CAMKMT: variants seen among roughly 807,000 people sequenced by gnomAD.
The protein encoded by CAMKMT is calmodulin-lysine N-methyltransferase, also known as CaM KMT.
Under a neutral mutation model 48.0 loss-of-function variants are expected in CAMKMT, and 53 were observed. That is an observed-to-expected ratio of 1.10 (90% CI 0.89 to 1.39). The LOEUF is 1.39. CAMKMT is among the 40% of genes most tolerant of loss of function. The pLI, the probability that CAMKMT is intolerant of heterozygous loss-of-function variation, is 0.00. For synonymous variants in CAMKMT, 165 were observed against 152.3 expected, an observed-to-expected ratio of 1.08 and a Z score of -0.61; for missense variants, 428 against 402.7, an observed-to-expected ratio of 1.06 and a Z score of -0.54.
chr2:44,530,853 C>G (rs906313303), intron 3 of CAMKMT, among the ~76,000 whole-genome samples: 1 of 151,580 alleles, frequency 6.6e-6, no homozygotes, highest in African/African-American at 2.4e-5. Context: ...ATTTATGAAC[C>G]TGTGAAAATT....
chr2:44,736,958 A>G (rs1250700690), intron 7 of CAMKMT, among the ~76,000 whole-genome samples: 2 of 152,244 alleles, frequency 1.3e-5, no homozygotes, highest in Admixed American at 6.5e-5. Flanking sequence ...CATCTCTGTC[A>G]GTTTTCGATT....
intron 3 of CAMKMT, among the ~76,000 whole-genome samples, chr2:44,473,466 A>G (rs1483364585): frequency 6.6e-6 from 1 of 152,228 alleles, no homozygotes; most frequent in South Asian, 2.1e-4. Context: ...TATGTTTAGT[A>G]CATTTTAGAA....
At chr2:44,691,465 T>G (rs1676651432) in intron 3 of CAMKMT, among the ~76,000 whole-genome samples, 1 of 152,236 alleles carries the variant, frequency 6.6e-6, no homozygotes, top group South Asian at 2.1e-4. Flanking sequence ...AAAATGGACA[T>G]TTTAAATTTT....
chr2:44,488,843 T>TTATGTGTG (rs1553401424), intron 3 of CAMKMT, among the ~76,000 whole-genome samples: 1 of 141,966 alleles, frequency 7.0e-6, no homozygotes, highest in African/African-American at 2.6e-5. Flanking sequence ...CTTAGGGTAT[T>TTATGTGTG]TGTGTGTGTG....
chr2:44,376,074 C>T (rs1679659542), intron 2 of CAMKMT, among the ~76,000 whole-genome samples: 1 of 151,826 alleles, frequency 6.6e-6, no homozygotes, highest in African/African-American at 2.4e-5. Flanking sequence ...AGGTGTGAGC[C>T]ACCACGCCCA....
At chr2:44,469,100 G>GTTC (rs1453181350) in intron 3 of CAMKMT, among the ~76,000 whole-genome samples, 1 of 152,042 alleles carries the variant, frequency 6.6e-6, no homozygotes, top group Non-Finnish European at 1.5e-5. Flanking sequence ...AGAGGAATCA[G>GTTC]TTCTAGTGTT....
chr2:44,511,484 T>A (rs1558666774), intron 3 of CAMKMT, among the ~76,000 whole-genome samples: 1 of 151,998 alleles, frequency 6.6e-6, no homozygotes, highest in Non-Finnish European at 1.5e-5. Context: ...AGACAGGGTA[T>A]CACCATGTTA....
At chr2:44,456,254 G>C (rs1336760755) in intron 3 of CAMKMT, among the ~76,000 whole-genome samples, 1 of 152,128 alleles carries the variant, frequency 6.6e-6, no homozygotes. Flanking sequence ...TGAAGGACTT[G>C]AATTACAACA....
rs180957352 is a variant in CAMKMT at position 44,723,142 on chromosome 2, T to A, written c.623+7789T>A. Among the ~76,000 whole-genome samples, 562 of 152,232 alleles carry A rather than the reference T, an allele frequency of 3.7e-3. 2 individuals are homozygous for A. The highest frequency in any genetic ancestry group is 6.4e-3 in the Non-Finnish European group (437 of 68,020). ...AGAGCTTGTTATGACACATTCTAGATCCCCACACCCTGAGAGACTGAGGCA... is the reference window on the plus strand; with the variant it reads ...AGAGCTTGTTATGACACATTCTAGAACCCCACACCCTGAGAGACTGAGGCA... On this transcript the variant is annotated intron_variant, in intron 7 of 10. Coordinates refer to ENST00000378494, the MANE Select transcript of CAMKMT (RefSeq NM_024766.5).
At chr2:44,604,641 A>C (rs1671185626) in intron 3 of CAMKMT, among the ~76,000 whole-genome samples, 1 of 151,520 alleles carries the variant, frequency 6.6e-6, no homozygotes. Flanking sequence ...TTACAATGAG[A>C]TTCTGAACCA....
intron 3 of CAMKMT, among the ~76,000 whole-genome samples, chr2:44,547,863 A>G (rs566008871): frequency 7.9e-5 from 12 of 152,278 alleles, no homozygotes; most frequent in African/African-American, 2.9e-4. Context: ...AGGGAGGGCA[A>G]GTTTTGAGCT....
chr2:44,735,150 T>C (rs1255665053), intron 7 of CAMKMT, among the ~76,000 whole-genome samples: 1 of 152,254 alleles, frequency 6.6e-6, no homozygotes, highest in East Asian at 1.9e-4. Flanking sequence ...CTATGTCTGA[T>C]ATGAATATAG....
At chr2:44,558,347 G>A (rs78345382) in intron 3 of CAMKMT, among the ~76,000 whole-genome samples, 3 of 152,068 alleles carry the variant, frequency 2.0e-5, no homozygotes, top group Non-Finnish European at 2.9e-5. Context: ...GATAATTGTC[G>A]GTTTTCTAAG....
At chr2:44,570,855 G>A (rs1476363580) in intron 3 of CAMKMT, among the ~76,000 whole-genome samples, 2 of 152,150 alleles carry the variant, frequency 1.3e-5, no homozygotes, top group East Asian at 3.8e-4. Context: ...AAGATCATTG[G>A]GGATTGGTAG....
At chr2:44,739,453 A>G (rs1031377474) in intron 7 of CAMKMT, among the ~76,000 whole-genome samples, 9 of 152,238 alleles carry the variant, frequency 5.9e-5, no homozygotes, top group Non-Finnish European at 1.3e-4. Context: ...AACGAGATTT[A>G]AAAAAGACTG....
chr2:44,365,365 C>T (rs943502275), intron 1 of CAMKMT, among the ~76,000 whole-genome samples: 1 of 152,170 alleles, frequency 6.6e-6, no homozygotes, highest in African/African-American at 2.4e-5. Flanking sequence ...CCTAGTGCAT[C>T]ATTTGGTTCC....
intron 3 of CAMKMT, among the ~76,000 whole-genome samples, chr2:44,392,972 A>C (rs1167613665): frequency 1.3e-5 from 2 of 152,272 alleles, no homozygotes; most frequent in East Asian, 3.9e-4. Context: ...AATGCTTCCT[A>C]GTAATAGAAA....
At chr2:44,766,954 A>C (rs141120115) in intron 10 of CAMKMT, among the ~76,000 whole-genome samples, 55 of 152,350 alleles carry the variant, frequency 3.6e-4, no homozygotes, top group Admixed American at 2.7e-3. Flanking sequence ...TAATTGTATC[A>C]TGTTGGACTG....
intron 3 of CAMKMT, among the ~76,000 whole-genome samples, chr2:44,537,373 T>G (rs1666833276): frequency 6.6e-6 from 1 of 152,166 alleles, no homozygotes; most frequent in Admixed American, 6.5e-5. Flanking sequence ...GAATATACAT[T>G]TATCAGTAGA....
Sources: allele counts gnomAD v4.1 joint callset (sites outside exome capture counted in the v4.1 genomes callset), GRCh38; gene constraint gnomAD v4.1.1; transcripts MANE v1.5; gene names NCBI Gene and HGNC (gene_info 2026-07-23, HGNC 2026-07-21).